PARP11: variants seen among roughly 807,000 people sequenced by gnomAD.
PARP11 encodes the protein poly(ADP-ribose) polymerase family member 11, also known as protein mono-ADP-ribosyltransferase PARP11.
Under a neutral mutation model 42.9 loss-of-function variants are expected in PARP11, and 31 were observed. The observed-to-expected ratio is 0.72, with a 90% CI of 0.54 to 0.98. The LOEUF (loss-of-function observed/expected upper bound fraction) is 0.98, where lower values mean the gene tolerates loss of function less well. Among genes scored for constraint, PARP11 ranks in the 50% least tolerant of loss-of-function variants. The probability of loss-of-function intolerance (pLI) is 0.00; values close to 1 mark genes in which losing one functional copy is unlikely to be tolerated. For missense variants in PARP11, 365 were observed against 413.1 expected (o/e 0.88, Z 1.01); for synonymous variants, 137 against 127.3 (o/e 1.08, Z -0.51).
At chr12:3,826,032 G>T in intron 4 of PARP11, 126 bp downstream of exon 4, 1 of 600,986 alleles carries the variant, frequency 1.7e-6, no homozygotes. Flanking sequence ...CCTGGCCCAA[G>T]ATTTGATATT....
Position 3,829,951 on chromosome 12 carries a change from G to A in PARP11, c.86C>T (p.Thr29Met), listed in dbSNP as rs769972983. 1.1e-5 allele frequency: 17 copies of A among 1,613,054 alleles called. No homozygotes were observed. The highest frequency in any genetic ancestry group is 2.7e-5 in the African/African-American group (2 of 74,906). Residue 29 changes from threonine (T) to methionine (M), a missense_variant, in exon 2 of 8, where the codon ACG becomes ATG. Physicochemically the swap from Thr to Met is moderately conservative, Grantham distance 81 (BLOSUM62 -1). Coordinates refer to ENST00000228820, the MANE Select transcript of PARP11 (RefSeq NM_020367.6). ...AAACCAGCCCCACTGGGTATCTGAC[G>A]TGTCCATGTCATCCACTTCATTGTT... ...TTNNEVDDMD[T>M]SDTQWGWFYL...
At chr12:3,834,127 C>A (rs1299610082) in intron 1 of PARP11, among the ~76,000 whole-genome samples, 1 of 152,268 alleles carries the variant, frequency 6.6e-6, no homozygotes, top group African/African-American at 2.4e-5. Flanking sequence ...GCTAAGAAGA[C>A]CAAGGGCTGC....
chr12:3,852,453 G>A (rs770345356), intron 1 of PARP11, among the ~76,000 whole-genome samples: 5 of 152,172 alleles, frequency 3.3e-5, no homozygotes, highest in Non-Finnish European at 7.3e-5. Context: ...ATGACCTGAT[G>A]GAGCTGAAAA....
intron 1 of PARP11, among the ~76,000 whole-genome samples, chr12:3,857,662 G>C (rs1948217612): frequency 6.6e-6 from 1 of 151,778 alleles, no homozygotes; most frequent in African/African-American, 2.4e-5. Flanking sequence ...AAAAGAAAAG[G>C]CATGTATCAC....
intron 3 of PARP11, 100 bp from the exon 4 acceptor site, chr12:3,826,333 T>C (rs893099391): frequency 1.6e-5 from 13 of 816,398 alleles, no homozygotes; most frequent in African/African-American, 1.6e-4. Context: ...TCAGGAATCA[T>C]GGAGCTTCGG....
At chr12:3,862,837 T>C (rs948354144) in intron 1 of PARP11, among the ~76,000 whole-genome samples, 8 of 152,160 alleles carry the variant, frequency 5.3e-5, no homozygotes, top group African/African-American at 1.4e-4. Context: ...TTGCTTCACA[T>C]TGAATCATTA....
At chr12:3,830,543 T>C (rs1487175302) in intron 1 of PARP11, among the ~76,000 whole-genome samples, 1 of 152,214 alleles carries the variant, frequency 6.6e-6, no homozygotes, top group Non-Finnish European at 1.5e-5. Context: ...CGTGCCTGTA[T>C]CTGTGTAAGT....
Position 3,842,012 on chromosome 12 carries a change from A to G in PARP11, c.19-11994T>C, listed in dbSNP as rs552845462. 2.3e-5 allele frequency: 37 copies of G among 1,611,524 alleles called. 1 individual carries two copies. In the South Asian group the frequency reaches 3.7e-4, roughly 16 times the overall value. On this transcript the variant is annotated intron_variant, in intron 1 of 7. Coordinates refer to ENST00000228820, the MANE Select transcript of PARP11 (RefSeq NM_020367.6). ...CAATCTTCCCAGACACGAAAGGCAG[A>G]TATGGCATTGGCTTCCATCCCTCCT...
chr12:3,828,766 AT>A, intron 3 of PARP11, 143 bp downstream of exon 3: 1 of 658,182 alleles, frequency 1.5e-6, no homozygotes, highest in Admixed American at 3.0e-5. Flanking sequence ...TAAAACTTGA[AT>A]TTTTATAGAG....
intron 1 of PARP11, among the ~76,000 whole-genome samples, chr12:3,832,547 G>C (rs944693745): frequency 2.6e-5 from 4 of 151,888 alleles, no homozygotes; most frequent in African/African-American, 9.7e-5. Context: ...AGATGCTCTG[G>C]GTTTCTTTAA....
rs182427374 is a variant in PARP11, at chr12:3,840,644, G to A, written c.19-10626C>T. 6.7e-5 allele frequency: 81 copies of A among 1,207,316 alleles called. No individual in the cohort carries two copies. Among genetic ancestry groups the A allele is most frequent in the Middle Eastern group, 3.8e-4 (2 of 5,304 alleles). The allele number at this position is 1,207,316 out of a possible 1,614,324, so 74.8% of individuals were successfully genotyped here. Reference sequence around the variant, plus strand: ...TACTTCTCAGAGTAGCAATCCATGTGTCCAGAGAAAATCATCACACGTAAG... The same window carrying A: ...TACTTCTCAGAGTAGCAATCCATGTATCCAGAGAAAATCATCACACGTAAG... On this transcript the variant is annotated intron_variant, in intron 1 of 7. Coordinates refer to ENST00000228820, the MANE Select transcript of PARP11 (RefSeq NM_020367.6). The surrounding 1 kb of genome is among the most constrained non-coding windows in gnomAD (Gnocchi z 4.4).
chr12:3,843,587 G>A (rs548546546), intron 1 of PARP11, among the ~76,000 whole-genome samples: 2 of 152,260 alleles, frequency 1.3e-5, no homozygotes, highest in African/African-American at 4.8e-5. Flanking sequence ...CTTTTCTAGA[G>A]GATGCTGCTA....
rs1303239526 is a variant in PARP11 at position 3,817,790 on chromosome 12, C to T, written c.549-3602G>A. Among the ~76,000 whole-genome samples the T allele has an allele frequency of 5.3e-5, 8 of 152,124 alleles. No homozygotes were observed. In the South Asian group the frequency reaches 1.5e-3, roughly 28 times the overall value. ...CATGCTCTGGATTAAAATAAATTTG[C>T]CTAGATTTAGAACACCTGTCATCCT... On this transcript the variant is annotated intron_variant, in intron 6 of 7. Transcript: ENST00000228820.
chr12:3,842,893 A>G (rs1165134457), intron 1 of PARP11, among the ~76,000 whole-genome samples: 3 of 152,232 alleles, frequency 2.0e-5, no homozygotes, highest in African/African-American at 7.2e-5. Flanking sequence ...AGTGCTTACT[A>G]AAGTGACAAG....
chr12:3,821,989 G>A lies in PARP11; in HGVS notation c.432C>T (p.His144=), dbSNP rs976775621. The A allele has an allele frequency of 2.5e-6, 4 of 1,608,236 alleles. No individual in the cohort carries two copies. In the African/African-American group the frequency reaches 4.0e-5, roughly 16 times the overall value. Residue 144 remains histidine, a synonymous_variant, in exon 6 of 8, where the codon CAC becomes CAT. Transcript: ENST00000228820. ...CTTCATTATATTCATGTGTTTGATT[G>A]TGCAGAGGAATAAGCTGGAAAAATA... ...TQVPYQLIPL[H]NQTHEYNEVA... is the part of the protein sequence containing the mutation.
chr12:3,842,220 G>A lies in PARP11; in HGVS notation c.19-12202C>T, dbSNP rs779889864. 6 of 1,605,882 alleles carry A rather than the reference G, an allele frequency of 3.7e-6. No individual in the cohort carries two copies. The Admixed American group carries it at 5.0e-5, about 13-fold the overall frequency. ...TGGGGCCAACTCTGTGGATAGCAGA[G>A]TGCAAAGACCAAAAGAAGAGAGTTC... On this transcript the variant is annotated intron_variant, in intron 1 of 7. Transcript: ENST00000228820.
chr12:3,862,310 G>C (rs892798507), intron 1 of PARP11, among the ~76,000 whole-genome samples: 2 of 151,862 alleles, frequency 1.3e-5, no homozygotes, highest in African/African-American at 4.8e-5. Flanking sequence ...AAAATTAGCT[G>C]GGCATGGTAG....
At chr12:3,865,378 T>C (rs764076062) in intron 1 of PARP11, among the ~76,000 whole-genome samples, 2 of 152,182 alleles carry the variant, frequency 1.3e-5, no homozygotes, top group African/African-American at 2.4e-5. Context: ...ATCAAGTTAG[T>C]TGACAGTGGT....
At chr12:3,815,144 T>G (rs1267835784) in intron 6 of PARP11, 3 of 434,924 alleles carry the variant, frequency 6.9e-6, no homozygotes, top group Non-Finnish European at 4.6e-6. Flanking sequence ...TGCTGCATTT[T>G]CATTCTTGAA....
Sources: gnomAD v4.1 joint callset for allele counts (sites outside exome capture counted in the v4.1 genomes callset) on GRCh38, gnomAD v4.1.1 for gene constraint, Gnocchi (gnomAD v3.1) non-coding constraint, MANE v1.5 for transcripts, NCBI Gene and HGNC (gene_info 2026-07-23, HGNC 2026-07-21) for gene names.